The following SARS2 variants were observed in gnomAD, a reference collection of about 807,000 sequenced individuals.
SARS2 encodes serine--tRNA ligase, mitochondrial.
SARS2 carries 52 observed loss-of-function variants against 66.8 expected under a neutral mutation model. The observed-to-expected ratio is 0.78, with a 90% CI of 0.62 to 0.98. SARS2 has a LOEUF of 0.98. Among genes scored for constraint, SARS2 ranks in the 50% least tolerant of loss-of-function variants. The pLI, the probability that SARS2 is intolerant of heterozygous loss-of-function variation, is 0.00. For missense variants in SARS2, 673 were observed against 706.3 expected (o/e 0.95, Z 0.53); for synonymous variants, 306 against 281.4 (o/e 1.09, Z -0.87).
chr19:38,930,585 C>T lies in SARS2; in HGVS notation c.152G>A (p.Gly51Asp). 1 of 1,614,080 alleles carries T rather than the reference C, an allele frequency of 6.2e-7. No homozygotes were observed. The highest frequency in any genetic ancestry group is 8.5e-7 in the Non-Finnish European group (1 of 1,180,024). Residue 51 changes from glycine to aspartate, a missense_variant, in exon 1 of 16, where the codon GGC becomes GAC. Physicochemically the swap from Gly to Asp is moderately conservative, Grantham distance 94. Transcript: ENST00000221431. ...GTCCAGCTGAGGGAGTGCGCTGTAG[C>T]CCTCGCGCGCATACTCGTACAGGAG... ...RNLLYEYARE[G>D]YSALPQLDIE...
chr19:38,915,477 G>GC lies in SARS2; in HGVS notation c.*128dup, dbSNP rs549812801. ...GAGAGGTGGACCCCGTGGTCCAGGG[G>GC]CCCGGGCGTGGAGCTGACAGGAAGA... is the stretch of plus-strand genomic sequence containing the variant. On this transcript the variant is annotated 3_prime_UTR_variant, in exon 16 of 16. Transcript: ENST00000221431. The GC allele has an allele frequency of 2.2e-4, 241 of 1,109,112 alleles. No individual in the cohort carries two copies. The African/African-American group carries it at 3.5e-3, about 16-fold the overall frequency. The allele number at this position is 1,109,112 out of a possible 1,614,324, so 68.7% of individuals were successfully genotyped here. A position where few individuals can be genotyped will look rare whatever the true frequency, so the allele number is the denominator to read the frequency against.
At chr19:38,927,675 A>G (rs1179048681) in intron 1 of SARS2, among the ~76,000 whole-genome samples, 1 of 152,164 alleles carries the variant, frequency 6.6e-6, no homozygotes, top group Non-Finnish European at 1.5e-5. Context: ...GCAATGCACA[A>G]CGATTCCGAC....
At chr19:38,920,756 T>C (rs1005501641) in intron 5 of SARS2, among the ~76,000 whole-genome samples, 1 of 140,402 alleles carries the variant, frequency 7.1e-6, no homozygotes, top group Non-Finnish European at 1.5e-5. Flanking sequence ...CAGACACAGA[T>C]ACAGACATAC....
chr19:38,929,495 C>T (rs950285091), intron 1 of SARS2, among the ~76,000 whole-genome samples: 10 of 150,604 alleles, frequency 6.6e-5, no homozygotes, highest in African/African-American at 2.5e-4. Flanking sequence ...TTCAAGGTTC[C>T]AGTGAGCTAT....
At chr19:38,924,581 A>G (rs893869513) in intron 2 of SARS2, among the ~76,000 whole-genome samples, 5 of 151,804 alleles carry the variant, frequency 3.3e-5, no homozygotes. Flanking sequence ...AGTGGTAAAA[A>G]CCAACTGCCT....
chr19:38,923,278 G>GT (rs1974572485), intron 2 of SARS2, among the ~76,000 whole-genome samples: 2 of 126,770 alleles, frequency 1.6e-5, no homozygotes, highest in South Asian at 5.3e-4. Flanking sequence ...CTGGAGTGCA[G>GT]TGGGGGGATC....
At chr19:38,927,616 C>CCAT (rs950913551) in intron 1 of SARS2, among the ~76,000 whole-genome samples, 2 of 152,108 alleles carry the variant, frequency 1.3e-5, no homozygotes, top group African/African-American at 4.8e-5. Flanking sequence ...TGAGGAACTG[C>CCAT]CATACGGTTT....
At position 38,926,218 on chromosome 19, in the gene SARS2, A is replaced by G. The variant is rs759299256; in HGVS notation, c.350T>C (p.Val117Ala). ...EEEKAAVTEA[V>A]RALLANQDSG... ...CACCATGCTCACCAGCAGGGCCCGC[A>G]CTGCCTCAGTCACAGCTGCCTTCTC... The change falls in exon 2 of 16, where the codon GTG becomes GCG. Residue 117 changes from valine (V) to alanine (A), a missense_variant. Coordinates refer to ENST00000221431, the MANE Select transcript of SARS2 (RefSeq NM_017827.4). 6.2e-6 allele frequency: 10 copies of G among 1,606,180 alleles called. No homozygotes were observed. In the South Asian group the frequency reaches 1.1e-4, roughly 18 times the overall value.
intron 5 of SARS2, 114 bp from the exon 6 acceptor site, chr19:38,920,263 G>T (rs893814254): frequency 1.1e-5 from 9 of 826,982 alleles, no homozygotes; most frequent in African/African-American, 1.7e-5. Flanking sequence ...ATAAAGGAGG[G>T]GCAGGAGGAG....
intron 8 of SARS2, 113 bp downstream of exon 8, chr19:38,918,653 C>T: frequency 1.4e-6 from 2 of 1,415,532 alleles, no homozygotes; most frequent in Non-Finnish European, 2.0e-6. Flanking sequence ...CCTGGTATGG[C>T]CTGGCCCCCT....
Position 38,917,941 on chromosome 19 carries a change from G to A in SARS2, c.1030C>T (p.Arg344Ter), listed in dbSNP as rs761616100. 17 of 1,610,608 alleles carry A rather than the reference G, an allele frequency of 1.1e-5. No homozygotes were observed. The highest frequency in any genetic ancestry group is 8.0e-5 in the African/African-American group (6 of 74,842). The stretch of plus-strand genomic sequence containing the variant: ...CCAGCCTTGGTGAAGTGGTGTACTC[G>A]ATACAGCCCCCGGGGTTCCTGTCCC... ...NTGQEPRGLYRVHHFTKVEMF... is the reference protein window; with the variant it reads ...NTGQEPRGLY Residue 344 changes from arginine to a stop codon, truncating the protein, a stop_gained, in exon 11 of 16, where the codon CGA becomes TGA. Transcript: ENST00000221431. LOFTEE classifies it high-confidence loss of function.
intron 12 of SARS2, 45 bp downstream of exon 12, chr19:38,917,679 C>A: frequency 9.9e-7 from 1 of 1,005,224 alleles, no homozygotes; most frequent in Non-Finnish European, 1.5e-6. Flanking sequence ...TGTCCCTCCC[C>A]TACCCCACCC....
chr19:38,920,043 G>T, intron 6 of SARS2, 43 bp downstream of exon 6: 2 of 1,525,906 alleles, frequency 1.3e-6, no homozygotes, highest in East Asian at 2.4e-5. Flanking sequence ...TCGGGGTGCA[G>T]GCAGCTGGGA....
chr19:38,919,786 G>A lies in SARS2; in HGVS notation c.735C>T (p.Phe245=). ...GALLQHGLVN[F]TFNKLLRRGF... is the part of the protein sequence containing the mutation. ...CCCGGCGGAGAAGCTTGTTGAATGT[G>A]AAGTTGACCAGGCCGTGCTGCAGGA... Residue 245 remains phenylalanine, a synonymous_variant, in exon 7 of 16, where the codon TTC becomes TTT. Coordinates refer to ENST00000221431, the MANE Select transcript of SARS2 (RefSeq NM_017827.4). 1 of 1,614,168 alleles carries A rather than the reference G, an allele frequency of 6.2e-7. No homozygotes were observed. Among genetic ancestry groups the A allele is most frequent in the Non-Finnish European group, 8.5e-7 (1 of 1,180,002 alleles).
chr19:38,919,052 G>A (rs1420226171), intron 7 of SARS2, among the ~76,000 whole-genome samples: 1 of 152,070 alleles, frequency 6.6e-6, no homozygotes, highest in Non-Finnish European at 1.5e-5. Context: ...CCACTAAAAA[G>A]GCAAAAATTA....
At chr19:38,918,937 A>AGTG in intron 7 of SARS2, 124 bp from the exon 8 acceptor site, 1 of 933,696 alleles carries the variant, frequency 1.1e-6, no homozygotes, top group Non-Finnish European at 1.7e-6. Flanking sequence ...GGGCTGGCGC[A>AGTG]GTGGCTCACC....
intron 12 of SARS2, among the ~76,000 whole-genome samples, chr19:38,916,640 A>G (rs1474406281): frequency 6.8e-6 from 1 of 147,460 alleles, no homozygotes. Flanking sequence ...CCATTCACAC[A>G]TTTGCACCTT....
At chr19:38,928,420 C>CAA (rs1974666974) in intron 1 of SARS2, 1 of 74,318 alleles carries the variant, frequency 1.3e-5, no homozygotes, top group Non-Finnish European at 2.5e-5. Flanking sequence ...CCCTGGCCCC[C>CAA]CCCCCCGCAA....
intron 1 of SARS2, among the ~76,000 whole-genome samples, chr19:38,926,911 A>G (rs932492925): frequency 8.7e-5 from 13 of 150,010 alleles, no homozygotes; most frequent in African/African-American, 3.2e-4. Flanking sequence ...TGGGCAACAC[A>G]GGAAGACCTG....
Sources: allele counts gnomAD v4.1 joint callset (sites outside exome capture counted in the v4.1 genomes callset), GRCh38; gene constraint gnomAD v4.1.1; transcripts MANE v1.5; gene names NCBI Gene and HGNC (gene_info 2026-07-23, HGNC 2026-07-21).